The following ZAP70 variants were observed in gnomAD, a reference collection of about 807,000 sequenced individuals.
ZAP70 encodes zeta chain of T cell receptor associated protein kinase 70.
A neutral mutation model predicts 65.8 loss-of-function variants in ZAP70; 27 were observed. The observed-to-expected ratio is 0.41, with a 90% CI of 0.30 to 0.57. ZAP70 has a LOEUF of 0.57. Ranked by LOEUF, ZAP70 falls within the 20% of genes least tolerant of loss-of-function variation. The pLI is 0.28. For synonymous variants in ZAP70, 363 were observed against 360.8 expected (o/e 1.01, Z -0.07); for missense variants, 696 against 870.5 (o/e 0.80, Z 2.52).
chr2:97,754,137 A>G, the ZAP70 span, among the ~76,000 whole-genome samples: 1 of 152,272 alleles, frequency 6.6e-6, no homozygotes, highest in East Asian at 1.9e-4. Context: ...AGATCTTCAG[A>G]TTTGGTGGGT....
chr2:97,738,842 A>G (rs552963497), intron 13 of ZAP70, among the ~76,000 whole-genome samples: 35 of 152,046 alleles, frequency 2.3e-4, no homozygotes, highest in Non-Finnish European at 4.9e-4. Flanking sequence ...ACCACACCCC[A>G]GTACCCAAAG....
chr2:97,739,442 A>G lies in ZAP70; in HGVS notation c.1804A>G (p.Ser602Gly). 1 of 1,613,856 alleles carries G rather than the reference A, an allele frequency of 6.2e-7. No individual in the cohort carries two copies. The highest frequency in any genetic ancestry group is 1.1e-5 in the South Asian group (1 of 91,080). ...GCGAGCCTGTTACTACAGCCTGGCCAGCAAGGTGGAAGGGCCCCCAGGCAG... is the reference window on the plus strand; with the variant it reads ...GCGAGCCTGTTACTACAGCCTGGCCGGCAAGGTGGAAGGGCCCCCAGGCAG... ...RMRACYYSLA[S>G]KVEGPPGSTQ... The change falls in exon 14 of 14, where the codon AGC becomes GGC. Residue 602 changes from serine (S) to glycine (G), a missense_variant. By Grantham distance (56) the Ser-to-Gly change is moderately conservative. This residue lies in a region of ZAP70 where 78 missense variants were observed against 88.6 expected (regional missense o/e 0.88). Transcript: ENST00000264972.
chr2:97,741,322 G>A (rs1008794554), downstream of ZAP70, among the ~76,000 whole-genome samples: 4 of 152,182 alleles, frequency 2.6e-5, no homozygotes, highest in Non-Finnish European at 4.4e-5. Context: ...CCTCCTCCAG[G>A]GTTTCCAGCG....
chr2:97,737,462 C>T lies in ZAP70; in HGVS notation c.1290-11C>T, dbSNP rs201814622. ...TTCTCCCAGCTGACCCCGCCTTCCC[C>T]GCCACCCCAGGGAGGAGATCCCTGT... On this transcript the variant is annotated splice_polypyrimidine_tract_variant and intron_variant, in intron 10 of 13. Coordinates refer to ENST00000264972, the MANE Select transcript of ZAP70 (RefSeq NM_001079.4). This position sits in a 1 kb window ranked among gnomAD's most constrained non-coding sequence, Gnocchi z 5.0. 203 of 1,614,004 alleles carry T rather than the reference C, an allele frequency of 1.3e-4. No homozygotes were observed. The Middle Eastern group carries it at 1.3e-3, about 10-fold the overall frequency.
chr2:97,716,580 GA>G (rs1159161161), intron 2 of ZAP70, among the ~76,000 whole-genome samples: 5 of 152,178 alleles, frequency 3.3e-5, no homozygotes, highest in African/African-American at 9.7e-5. Flanking sequence ...GAATAAAGTG[GA>G]AGGTGTTGGA....
chr2:97,737,783 C>A lies in ZAP70; in HGVS notation c.1509C>A (p.Leu503=). ...CCCGCTCAGCAGGGAAGTGGCCGCT[C>A]AAGTGGTACGCACCCGAATGCATCA... is the stretch of plus-strand genomic sequence containing the variant. The part of the protein sequence containing the change: ...YTARSAGKWP[L]KWYAPECINF... The change falls in exon 12 of 14, where the codon CTC becomes CTA. Residue 503 remains leucine (L), a synonymous_variant. Coordinates refer to ENST00000264972, the MANE Select transcript of ZAP70 (RefSeq NM_001079.4). The surrounding 1 kb of genome is among the most constrained non-coding windows in gnomAD (Gnocchi z 5.0). 6 of 1,614,156 alleles carry A rather than the reference C, an allele frequency of 3.7e-6. No individual in the cohort carries two copies. Among genetic ancestry groups the A allele is most frequent in the Non-Finnish European group, 5.1e-6 (6 of 1,179,994 alleles).
chr2:97,734,504 C>A lies in ZAP70; in HGVS notation c.890-16C>A. 2 of 1,611,324 alleles carry A rather than the reference C, an allele frequency of 1.2e-6. No individual in the cohort carries two copies. Among genetic ancestry groups the A allele is most frequent in the Non-Finnish European group, 1.7e-6 (2 of 1,179,026 alleles). On this transcript the variant is annotated splice_polypyrimidine_tract_variant and intron_variant, in intron 8 of 13. Transcript: ENST00000264972. The stretch of plus-strand genomic sequence containing the variant: ...CCCTGCCCCTGACCTGGGAGTGTAC[C>A]GCTGTGTGTGCCCAGCACGCATAAC...
At chr2:97,724,767 G>C in intron 3 of ZAP70, 1 of 1,505,208 alleles carries the variant, frequency 6.6e-7, no homozygotes, top group East Asian at 2.6e-5. Context: ...GCTAGGGTGA[G>C]CCCTTAGGGT....
chr2:97,754,361 AG>A, the ZAP70 span, among the ~76,000 whole-genome samples: 1 of 152,064 alleles, frequency 6.6e-6, no homozygotes, highest in Non-Finnish European at 1.5e-5. Flanking sequence ...TCAATTCCTG[AG>A]ATACTCTTTC....
intron 2 of ZAP70, among the ~76,000 whole-genome samples, chr2:97,717,592 G>T (rs1029025436): frequency 1.3e-5 from 2 of 152,198 alleles, no homozygotes; most frequent in Non-Finnish European, 2.9e-5. Flanking sequence ...CTGACGATGG[G>T]CATGTAATGG....
intron 2 of ZAP70, among the ~76,000 whole-genome samples, chr2:97,719,553 T>TGG (rs148330791): frequency 0.015 from 1,375 of 88,928 alleles, 42 homozygotes; most frequent in East Asian, 0.13. Flanking sequence ...GAGAACAGCC[T>TGG]GGGGGGGGGG....
chr2:97,738,822 C>A (rs1250317456), intron 13 of ZAP70, among the ~76,000 whole-genome samples: 1 of 152,022 alleles, frequency 6.6e-6, no homozygotes, highest in South Asian at 2.1e-4. Flanking sequence ...CATCAGGAAA[C>A]ACCCAGGGCA....
downstream of ZAP70, among the ~76,000 whole-genome samples, chr2:97,740,418 A>G (rs1678098854): frequency 6.6e-6 from 1 of 152,242 alleles, no homozygotes; most frequent in South Asian, 2.1e-4. Flanking sequence ...CGTGGTTTGC[A>G]GGTAGTTCAG....
chr2:97,714,790 G>A (rs1011524580), intron 2 of ZAP70, among the ~76,000 whole-genome samples: 45 of 152,192 alleles, frequency 3.0e-4, no homozygotes, highest in African/African-American at 1.1e-3. Context: ...CACCTGTGAA[G>A]CTGCCTCCTG....
chr2:97,733,696 G>C (rs764772870), intron 8 of ZAP70, 101 bp downstream of exon 8: 6 of 1,487,356 alleles, frequency 4.0e-6, no homozygotes, highest in Non-Finnish European at 5.6e-6. Flanking sequence ...CTGTGGGCCG[G>C]GCCAGGCTGT....
the ZAP70 span, among the ~76,000 whole-genome samples, chr2:97,754,902 A>G: frequency 6.6e-6 from 1 of 152,368 alleles, no homozygotes; most frequent in African/African-American, 2.4e-5. Context: ...CTGGTTGCAC[A>G]GGAAATCTGG....
intron 13 of ZAP70, 29 bp downstream of exon 13, chr2:97,738,136 T>G: frequency 2.6e-6 from 4 of 1,565,144 alleles, no homozygotes; most frequent in Non-Finnish European, 3.5e-6. Context: ...GGGACCCGGC[T>G]GGGCTGACCC....
In ZAP70 at chr2:97,739,713, C is replaced by A. The variant is rs1573293535; in HGVS notation, c.*215C>A. 3 of 736,124 alleles carry A rather than the reference C, an allele frequency of 4.1e-6. No individual in the cohort carries two copies. The highest frequency in any genetic ancestry group is 5.5e-5 in the East Asian group (2 of 36,378). The allele number at this position is 736,124 out of a possible 1,614,324, so 45.6% of individuals were successfully genotyped here. On this transcript the variant is annotated 3_prime_UTR_variant, in exon 14 of 14. Transcript: ENST00000264972. ...GGAGGTCCGGGAGGGTGCGGCTGTG[C>A]AGCCTGTCCTGGGCTGGTGGCTCCC... is the stretch of plus-strand genomic sequence containing the variant.
At chr2:97,733,616 A>G in intron 8 of ZAP70, 21 bp downstream of exon 8, 1 of 1,612,978 alleles carries the variant, frequency 6.2e-7, no homozygotes, top group Non-Finnish European at 8.5e-7. Flanking sequence ...AGAGGTGGGG[A>G]CGCGGGTTGG....
Sources: allele counts gnomAD v4.1 joint callset (sites outside exome capture counted in the v4.1 genomes callset), GRCh38; gene constraint gnomAD v4.1.1; regional missense constraint gnomAD v4.1.1; non-coding constraint Gnocchi (gnomAD v3.1); transcripts MANE v1.5; gene names NCBI Gene and HGNC (gene_info 2026-07-23, HGNC 2026-07-21).